Variants in MRPL13 observed in about 807,000 individuals in gnomAD.
MRPL13 encodes mitochondrial ribosomal protein L13, also known as large ribosomal subunit protein uL13m.
A neutral mutation model predicts 29.0 loss-of-function variants in MRPL13; 33 were observed. The ratio of observed to expected loss-of-function variants is 1.14; its 90% CI spans 0.86 to 1.52. MRPL13 has a LOEUF of 1.52. Among genes scored for constraint, MRPL13 ranks in the 40% most tolerant of loss-of-function variants. MRPL13 has a pLI of 0.00. For missense variants in MRPL13, 227 were observed against 216.7 expected (o/e 1.05, Z -0.30); for synonymous variants, 77 against 68.4 (o/e 1.13, Z -0.62).
intron 6 of MRPL13, 76 bp from the exon 7 acceptor site, chr8:120,396,201 A>C (rs1389959808): frequency 5.2e-6 from 6 of 1,147,030 alleles, no homozygotes; most frequent in Non-Finnish European, 7.5e-6. Flanking sequence ...TTATTTTTCC[A>C]ATTTAAAATA....
rs769320456 is a variant in MRPL13 at position 120,432,096 on chromosome 8, A to T, written c.179T>A (p.Met60Lys). 2 of 1,604,382 alleles carry T rather than the reference A, an allele frequency of 1.2e-6. No individual in the cohort carries two copies. The highest frequency in any genetic ancestry group is 1.7e-6 in the Non-Finnish European group (2 of 1,175,740). Residue 60 changes from methionine (M) to lysine (K), a missense_variant, in exon 3 of 7, where the codon ATG becomes AAG. By Grantham distance (95) the Met-to-Lys change is moderately conservative. Transcript: ENST00000306185. ...AGAAAATGCAATGTGTCTTGTGTTC[A>T]TTATAACAACATGATCCCCACAGTC... is the stretch of plus-strand genomic sequence containing the variant. ...LSDCGDHVVI[M>K]NTRHIAFSGN...
chr8:120,398,340 T>C (rs1812546878), intron 6 of MRPL13, among the ~76,000 whole-genome samples: 1 of 152,098 alleles, frequency 6.6e-6, no homozygotes, highest in Non-Finnish European at 1.5e-5. Flanking sequence ...TACCTCCAGG[T>C]AAGGTAAAAA....
intron 2 of MRPL13, among the ~76,000 whole-genome samples, chr8:120,439,516 G>A (rs565252165): frequency 9.2e-5 from 14 of 152,270 alleles, no homozygotes; most frequent in African/African-American, 3.1e-4. Context: ...ACCTAACTCC[G>A]TATTTCCCCC....
rs1269268994 is a variant in MRPL13, at chr8:120,425,385, AC to A, written c.246-20del. On this transcript the variant is annotated intron_variant, in intron 3 of 6. Coordinates refer to ENST00000306185, the MANE Select transcript of MRPL13 (RefSeq NM_014078.6). ...TGGGTAGCTGTTAAAAGGAGAAAAG[AC>A]ATTAAAACTGGGCATAGGCTGATAC... 3.8e-6 allele frequency: 6 copies of A among 1,586,284 alleles called. No homozygotes were observed. The highest frequency in any genetic ancestry group is 1.3e-5 in the African/African-American group (1 of 74,242).
At chr8:120,412,539 T>G (rs1006217562) in intron 6 of MRPL13, among the ~76,000 whole-genome samples, 1 of 152,176 alleles carries the variant, frequency 6.6e-6, no homozygotes, top group African/African-American at 2.4e-5. Context: ...ATGACTTACT[T>G]AAGGTTATAG....
At chr8:120,420,712 T>C (rs933641574) in intron 4 of MRPL13, among the ~76,000 whole-genome samples, 2 of 151,818 alleles carry the variant, frequency 1.3e-5, no homozygotes, top group Non-Finnish European at 2.9e-5. Flanking sequence ...TTAAAAGTTG[T>C]AAATTGAAAC....
chr8:120,399,715 G>C (rs1043137588), intron 6 of MRPL13, among the ~76,000 whole-genome samples: 1 of 152,018 alleles, frequency 6.6e-6, no homozygotes, highest in Non-Finnish European at 1.5e-5. Context: ...ATAAAGAGTT[G>C]AGACCCATCA....
At chr8:120,433,964 G>A (rs1813024476) in intron 2 of MRPL13, among the ~76,000 whole-genome samples, 2 of 152,026 alleles carry the variant, frequency 1.3e-5, no homozygotes. Context: ...AAATTAAGTT[G>A]AAAAATAGTA....
intron 6 of MRPL13, among the ~76,000 whole-genome samples, chr8:120,412,829 C>T (rs572244482): frequency 1.3e-5 from 2 of 152,278 alleles, no homozygotes; most frequent in African/African-American, 4.8e-5. Flanking sequence ...CATGACCCAG[C>T]AGCTAGTCAC....
chr8:120,426,992 A>G lies in MRPL13; in HGVS notation c.246-1626T>C, dbSNP rs80144527. Reference sequence around the variant, plus strand: ...CACACACCCAATTCAACCAACCCCTAAAAAATTAGAAGTAAATGTTTATGA... The same window carrying G: ...CACACACCCAATTCAACCAACCCCTGAAAAATTAGAAGTAAATGTTTATGA... On this transcript the variant is annotated intron_variant, in intron 3 of 6. Coordinates refer to ENST00000306185, the MANE Select transcript of MRPL13 (RefSeq NM_014078.6). 8.1e-3 allele frequency among the ~76,000 whole-genome samples: 1,233 copies of G among 152,266 alleles called. 14 individuals carry two copies. Among genetic ancestry groups the G allele is most frequent in the African/African-American group, 0.029 (1,198 of 41,558 alleles).
At chr8:120,425,433 C>A in intron 3 of MRPL13, 67 bp from the exon 4 acceptor site, 1 of 1,042,534 alleles carries the variant, frequency 9.6e-7, no homozygotes, top group Non-Finnish European at 1.4e-6. Context: ...ACTGATCATT[C>A]TTTTATAAGA....
At chr8:120,435,845 T>C (rs1047037862) in intron 2 of MRPL13, among the ~76,000 whole-genome samples, 68 of 152,280 alleles carry the variant, frequency 4.5e-4, no homozygotes, top group African/African-American at 1.6e-3. Flanking sequence ...TGGTATCTCA[T>C]TGTGGTTTTG....
chr8:120,425,895 C>T (rs559009795), intron 3 of MRPL13, among the ~76,000 whole-genome samples: 2 of 152,004 alleles, frequency 1.3e-5, no homozygotes, highest in Non-Finnish European at 2.9e-5. Flanking sequence ...GTGTTCAGAT[C>T]GATTATTCTT....
intron 3 of MRPL13, among the ~76,000 whole-genome samples, chr8:120,428,680 GA>G (rs1812960984): frequency 6.6e-6 from 1 of 151,998 alleles, no homozygotes; most frequent in South Asian, 2.1e-4. Context: ...CAAAGGACAG[GA>G]ACATACCCTT....
At chr8:120,415,445 C>T (rs2130463545) in intron 5 of MRPL13, 2 of 150,612 alleles carry the variant, frequency 1.3e-5, no homozygotes, top group South Asian at 4.2e-4. Context: ...ATTCTTAAGA[C>T]ATGTTGTCTT....
At chr8:120,430,088 C>T (rs1812981050) in intron 3 of MRPL13, among the ~76,000 whole-genome samples, 1 of 151,898 alleles carries the variant, frequency 6.6e-6, no homozygotes. Flanking sequence ...ATGGAGAAAC[C>T]CTGTCCCTAC....
At chr8:120,442,779 A>G (rs1340782567) in intron 2 of MRPL13, among the ~76,000 whole-genome samples, 1 of 152,220 alleles carries the variant, frequency 6.6e-6, no homozygotes, top group Non-Finnish European at 1.5e-5. Context: ...CCTAGCTAGC[A>G]CCATATATTT....
chr8:120,439,770 A>T (rs1813095506), intron 2 of MRPL13, among the ~76,000 whole-genome samples: 1 of 152,216 alleles, frequency 6.6e-6, no homozygotes, highest in East Asian at 1.9e-4. Context: ...TATCTTATTG[A>T]AATTTTCATT....
At chr8:120,398,807 T>C (rs912542745) in intron 6 of MRPL13, among the ~76,000 whole-genome samples, 2 of 152,120 alleles carry the variant, frequency 1.3e-5, no homozygotes, top group African/African-American at 4.8e-5. Context: ...GAGAGGAGCA[T>C]TACTGACCTG....
Sources: allele counts gnomAD v4.1 joint callset (sites outside exome capture counted in the v4.1 genomes callset), GRCh38; gene constraint gnomAD v4.1.1; transcripts MANE v1.5; gene names NCBI Gene and HGNC (gene_info 2026-07-23, HGNC 2026-07-21).